Variants in NPTX2 observed in about 807,000 individuals in gnomAD.
NPTX2 encodes the protein neuronal pentraxin-2.
NPTX2 carries 23 observed loss-of-function variants against 38.1 expected under a neutral mutation model. The observed-to-expected ratio is 0.60, with a 90% CI of 0.43 to 0.85. The LOEUF is 0.85. NPTX2 is among the 40% of genes least tolerant of loss of function. NPTX2 has a pLI of 0.00. For missense variants in NPTX2, 553 were observed against 615.3 expected (o/e 0.90, Z 1.07); for synonymous variants, 291 against 287.3 (o/e 1.01, Z -0.13).
In NPTX2 at chr7:98,617,698, G is replaced by C; in HGVS notation, c.237G>C (p.Ala79=). ...TVVQQKETLG[A]QREAIRELTG... is the part of the protein sequence containing the mutation. ...TGCAGCAGAAGGAGACGCTGGGCGC[G>C]CAGCGCGAGGCCATCCGCGAGCTCA... The change falls in exon 1 of 5, where the codon GCG becomes GCC. Residue 79 remains alanine, a synonymous_variant. Coordinates refer to ENST00000265634, the MANE Select transcript of NPTX2 (RefSeq NM_002523.3). 2 of 1,438,944 alleles carry C rather than the reference G, an allele frequency of 1.4e-6. No homozygotes were observed. The highest frequency in any genetic ancestry group is 2.9e-5 in the South Asian group (2 of 69,928). 89.1% of individuals were successfully genotyped at this position (1,438,944 alleles called of 1,614,324 possible). A position where few individuals can be genotyped will look rare whatever the true frequency, so the allele number is the denominator to read the frequency against.
chr7:98,617,784 C>A lies in NPTX2; in HGVS notation c.323C>A (p.Thr108Lys). Residue 108 changes from threonine (T) to lysine (K), a missense_variant, in exon 1 of 5, where the codon ACG (threonine) becomes AAG (lysine). Physicochemically the swap from Thr to Lys is moderately conservative, Grantham distance 78 (BLOSUM62 -1). Transcript: ENST00000265634. Reference protein sequence around the residue: ...AGGKARGAGATGKDTMGDLPR... With the variant: ...AGGKARGAGAKGKDTMGDLPR... The stretch of plus-strand genomic sequence containing the variant: ...GGCAAGGCGCGCGGCGCGGGGGCCA[C>A]GGGCAAGGACACTATGGGCGACCTG... 6.8e-7 allele frequency: 1 copy of A among 1,464,758 alleles called. No individual in the cohort carries two copies. Among genetic ancestry groups the A allele is most frequent in the Non-Finnish European group, 8.9e-7 (1 of 1,120,466 alleles). 90.7% of individuals were successfully genotyped at this position (1,464,758 alleles called of 1,614,324 possible).
intron 4 of NPTX2, 118 bp from the exon 5 acceptor site, chr7:98,628,284 G>T (rs542946710): frequency 1.7e-6 from 1 of 599,392 alleles, no homozygotes; most frequent in Non-Finnish European, 3.0e-6. Context: ...ACAGAAACAG[G>T]TAGTGTTGGT....
chr7:98,617,663 G>C lies in NPTX2; in HGVS notation c.202G>C (p.Glu68Gln), dbSNP rs1205162753. 13 of 1,480,880 alleles carry C rather than the reference G, an allele frequency of 8.8e-6. No homozygotes were observed. The highest frequency in any genetic ancestry group is 2.9e-5 in the East Asian group (1 of 34,812). 91.7% of individuals were successfully genotyped at this position (1,480,880 alleles called of 1,614,324 possible). ...ELRAAVLQLR[E>Q]TVVQQKETLG... ...GAGGGCCGCGGTGCTGCAGCTGCGC[G>C]AGACCGTCGTGCAGCAGAAGGAGAC... is the stretch of plus-strand genomic sequence containing the variant. Residue 68 changes from glutamate (E) to glutamine (Q), a missense_variant, in exon 1 of 5, where the codon GAG becomes CAG. Physicochemically the swap from Glu to Gln is conservative, Grantham distance 29 (BLOSUM62 2). Transcript: ENST00000265634.
chr7:98,627,745 G>A (rs992204833), intron 4 of NPTX2, among the ~76,000 whole-genome samples: 20 of 152,184 alleles, frequency 1.3e-4, no homozygotes, highest in African/African-American at 4.8e-4. Flanking sequence ...GGCTGTGTGA[G>A]GGACCCTCCT....
At chr7:98,618,595 T>TCCC (rs1221869556) in intron 1 of NPTX2, among the ~76,000 whole-genome samples, 263 of 29,000 alleles carry the variant, frequency 9.1e-3, no homozygotes, top group African/African-American at 0.017. Context: ...TCCCCCTCCG[T>TCCC]CCCCCCCCCC....
chr7:98,622,592 G>A (rs1025138164), intron 2 of NPTX2, among the ~76,000 whole-genome samples: 2 of 152,190 alleles, frequency 1.3e-5, no homozygotes, highest in Non-Finnish European at 2.9e-5. Context: ...ACCTCACTTC[G>A]CTGAGCCTCC....
chr7:98,622,640 G>C (rs909206551), intron 2 of NPTX2, among the ~76,000 whole-genome samples: 1 of 152,192 alleles, frequency 6.6e-6, no homozygotes, highest in African/African-American at 2.4e-5. Context: ...TGGGGGAGTA[G>C]GGACACTCTG....
At chr7:98,625,328 C>A (rs1011778054) in intron 3 of NPTX2, among the ~76,000 whole-genome samples, 162 bp downstream of exon 3, 1 of 152,128 alleles carries the variant, frequency 6.6e-6, no homozygotes, top group African/African-American at 2.4e-5. Flanking sequence ...GCTTTGCACA[C>A]GCCGGGCGGC....
chr7:98,618,832 G>A (rs533065374), intron 1 of NPTX2, among the ~76,000 whole-genome samples: 17 of 152,016 alleles, frequency 1.1e-4, no homozygotes, highest in African/African-American at 4.1e-4. Context: ...TTTGGCGTGA[G>A]GGCTGAATAC....
chr7:98,618,569 T>TCTCCCCCCC (rs1791216138), intron 1 of NPTX2, among the ~76,000 whole-genome samples: 1 of 30,094 alleles, frequency 3.3e-5, no homozygotes, highest in Non-Finnish European at 6.2e-5. Flanking sequence ...TCTCTCTCTC[T>TCTCCCCCCC]CCCCCCCTCC....
At position 98,629,343 on chromosome 7, in the gene NPTX2, CA is replaced by C. The variant is rs1279437132; in HGVS notation, c.*715del. 4.6e-5 allele frequency: 7 copies of C among 152,768 alleles called. No homozygotes were observed. The highest frequency in any genetic ancestry group is 1.7e-4 in the African/African-American group (7 of 41,566). 9.5% of individuals were successfully genotyped at this position (152,768 alleles called of 1,614,324 possible). Reference sequence around the variant, plus strand: ...CCTTAGACTGATGCTTTGACTGAATCATCACTAGCTATGGCATTAAAAGGCC... The same window carrying C: ...CCTTAGACTGATGCTTTGACTGAATCTCACTAGCTATGGCATTAAAAGGCC... On this transcript the variant is annotated 3_prime_UTR_variant, in exon 5 of 5. Coordinates refer to ENST00000265634, the MANE Select transcript of NPTX2 (RefSeq NM_002523.3).
chr7:98,619,563 T>A, intron 1 of NPTX2, 80 bp from the exon 2 acceptor site: 1 of 1,197,520 alleles, frequency 8.4e-7, no homozygotes. Context: ...TCTCCCTGTG[T>A]GGTCGGGCCA....
chr7:98,628,121 G>A (rs559539196), intron 4 of NPTX2, among the ~76,000 whole-genome samples: 1 of 152,260 alleles, frequency 6.6e-6, no homozygotes, highest in Admixed American at 6.5e-5. Flanking sequence ...TCTCCGCTGG[G>A]AGGGGCTGGG....
At chr7:98,626,430 GCTC>G in intron 3 of NPTX2, among the ~76,000 whole-genome samples, 1 of 152,188 alleles carries the variant, frequency 6.6e-6, no homozygotes, top group South Asian at 2.1e-4. Flanking sequence ...AGCCTGCTGG[GCTC>G]CTCCTAGATA....
chr7:98,621,516 C>A (rs1318981596), intron 2 of NPTX2, among the ~76,000 whole-genome samples: 2 of 152,170 alleles, frequency 1.3e-5, no homozygotes, highest in South Asian at 2.1e-4. Context: ...GTCTTCTGGG[C>A]AATTCTGAGT....
chr7:98,626,146 CAAAAAA>C (rs561364197), intron 3 of NPTX2, among the ~76,000 whole-genome samples: 10 of 71,430 alleles, frequency 1.4e-4, no homozygotes, highest in African/African-American at 3.5e-4. Flanking sequence ...TACCCTGTCT[CAAAAAA>C]AAAAAAAAAA....
At chr7:98,625,350 G>C (rs1340392966) in intron 3 of NPTX2, among the ~76,000 whole-genome samples, 184 bp downstream of exon 3, 1 of 152,224 alleles carries the variant, frequency 6.6e-6, no homozygotes, top group Non-Finnish European at 1.5e-5. Context: ...CACAGGGGCG[G>C]GGTGGGGAGG....
rs1166800585 is a variant in NPTX2, at chr7:98,617,372, G to C, written c.-90G>C. 1 of 327,128 alleles carries C rather than the reference G, an allele frequency of 3.1e-6. No homozygotes were observed. Among genetic ancestry groups the C allele is most frequent in the East Asian group, 5.5e-5 (1 of 18,064 alleles). The allele number at this position is 327,128 out of a possible 1,614,324, so 20.3% of individuals were successfully genotyped here. Reference sequence around the variant, plus strand: ...CACGCGACCCTCGAGACGACAGCGCGGCTACTGCCAGCAGCGAAGGCGCCT... The same window carrying C: ...CACGCGACCCTCGAGACGACAGCGCCGCTACTGCCAGCAGCGAAGGCGCCT... On this transcript the variant is annotated 5_prime_UTR_variant, in exon 1 of 5. Coordinates refer to ENST00000265634, the MANE Select transcript of NPTX2 (RefSeq NM_002523.3).
Position 98,628,650 on chromosome 7 carries a change from G to T in NPTX2, c.*21G>T. The stretch of plus-strand genomic sequence containing the variant: ...TGTAGCCGCCTTCTCCTCTGTCCAG[G>T]AGGCCGGGATCAGGCTGTTGCCATG... On this transcript the variant is annotated 3_prime_UTR_variant, in exon 5 of 5. Coordinates refer to ENST00000265634, the MANE Select transcript of NPTX2 (RefSeq NM_002523.3). 8.1e-7 allele frequency: 1 copy of T among 1,239,210 alleles called. No individual in the cohort carries two copies. Among genetic ancestry groups the T allele is most frequent in the Non-Finnish European group, 1.1e-6 (1 of 880,826 alleles). 76.8% of individuals were successfully genotyped at this position (1,239,210 alleles called of 1,614,324 possible).
Sources: gnomAD v4.1 joint callset for allele counts (sites outside exome capture counted in the v4.1 genomes callset) on GRCh38, gnomAD v4.1.1 for gene constraint, MANE v1.5 for transcripts, NCBI Gene and HGNC (gene_info 2026-07-23, HGNC 2026-07-21) for gene names.